The following TMEM72 variants were observed in gnomAD, a reference collection of about 807,000 sequenced individuals.
TMEM72 encodes kidney-specific secretory protein of 37 kDa.
A neutral mutation model predicts 16.3 loss-of-function variants in TMEM72; 9 were observed. The observed-to-expected ratio is 0.55, with a 90% confidence interval of 0.33 to 0.96. The LOEUF is 0.96. Among genes scored for constraint, TMEM72 ranks in the 40% least tolerant of loss-of-function variants. TMEM72 has a pLI of 0.03. For missense variants in TMEM72, 324 were observed against 337.8 expected, an observed-to-expected ratio of 0.96 and a Z score of 0.32; for synonymous variants, 160 against 146.5, an observed-to-expected ratio of 1.09 and a Z score of -0.66.
At chr10:44,933,502 C>T (rs997113376) in intron 3 of TMEM72, 135 bp from the exon 4 acceptor site, 23 of 1,226,238 alleles carry the variant, frequency 1.9e-5, no homozygotes, top group African/African-American at 4.5e-5. Flanking sequence ...CACCAAGGAC[C>T]GCTAGGGCTT....
intron 1 of TMEM72, among the ~76,000 whole-genome samples, chr10:44,917,283 C>T (rs1840026929): frequency 1.3e-5 from 2 of 152,144 alleles, no homozygotes; most frequent in Non-Finnish European, 2.9e-5. Flanking sequence ...TCTCACTCAG[C>T]ATGGGCTAAT....
At chr10:44,925,265 T>C (rs1256457819) in intron 1 of TMEM72, among the ~76,000 whole-genome samples, 1 of 152,220 alleles carries the variant, frequency 6.6e-6, no homozygotes, top group Non-Finnish European at 1.5e-5. Context: ...CCTCTGTTTG[T>C]CTAAAGAGTG....
chr10:44,934,959 A>G lies in TMEM72; in HGVS notation c.653A>G (p.Lys218Arg). ...LSLEPADSLA[K>R]KKQVHFEDNL... is the part of the protein sequence containing the mutation. ...CTGGAGCCAGCCGACTCCCTGGCCA[A>G]GAAGAAGCAGGTGCACTTTGAAGAC... Residue 218 changes from lysine to arginine, a missense_variant, in exon 5 of 5, where the codon AAG (lysine) becomes AGG (arginine). Lys to Arg is a conservative substitution (Grantham distance 26). Transcript: ENST00000389583. The G allele has an allele frequency of 6.2e-7, 1 of 1,614,054 alleles. No homozygotes were observed. Among genetic ancestry groups the G allele is most frequent in the South Asian group, 1.1e-5 (1 of 91,082 alleles).
intron 1 of TMEM72, among the ~76,000 whole-genome samples, chr10:44,925,988 C>CTCAAAAAT (rs1840181844): frequency 6.6e-6 from 1 of 151,920 alleles, no homozygotes; most frequent in East Asian, 1.9e-4. Context: ...TATACTCACA[C>CTCAAAAAT]TCACATATTC....
At chr10:44,923,324 T>TCC (rs1327355929) in intron 1 of TMEM72, 1 of 152,002 alleles carries the variant, frequency 6.6e-6, no homozygotes, top group African/African-American at 2.4e-5. Context: ...TTTCTCTCTC[T>TCC]CTCTCTCTCT....
intron 2 of TMEM72, among the ~76,000 whole-genome samples, chr10:44,930,491 A>G (rs1454195998): frequency 2.6e-5 from 4 of 152,174 alleles, no homozygotes; most frequent in Non-Finnish European, 1.5e-5. Context: ...GACAGTAATT[A>G]TAGTGTTTAT....
At chr10:44,916,718 T>C (rs11239278) in intron 1 of TMEM72, among the ~76,000 whole-genome samples, 87,159 of 151,976 alleles carry the variant, frequency 0.57, 25,539 homozygotes, top group Middle Eastern at 0.63. Flanking sequence ...TCTGTTACAA[T>C]TGGCTCCACA....
intron 1 of TMEM72, among the ~76,000 whole-genome samples, chr10:44,916,369 C>G (rs950881886): frequency 6.6e-6 from 1 of 152,172 alleles, no homozygotes; most frequent in Admixed American, 6.5e-5. Context: ...TTCAACTGCT[C>G]CCATGCTTCC....
chr10:44,919,422 A>C (rs1840059879), intron 1 of TMEM72, among the ~76,000 whole-genome samples: 1 of 152,260 alleles, frequency 6.6e-6, no homozygotes, highest in South Asian at 2.1e-4. Context: ...ACTTGAGCTA[A>C]TGGAGGGAAT....
chr10:44,924,641 C>T (rs1360906001), intron 1 of TMEM72, among the ~76,000 whole-genome samples: 6 of 152,242 alleles, frequency 3.9e-5, no homozygotes, highest in Admixed American at 6.5e-5. Flanking sequence ...TTGTTTCAAC[C>T]TGGCATGCTC....
chr10:44,927,875 G>C (rs752727842), intron 1 of TMEM72, 46 bp from the exon 2 acceptor site: 1 of 1,581,052 alleles, frequency 6.3e-7, no homozygotes, highest in Non-Finnish European at 8.6e-7. Flanking sequence ...GCAGTGCTGT[G>C]GTGTAGAGCA....
chr10:44,928,520 A>T (rs1840238482), intron 2 of TMEM72, among the ~76,000 whole-genome samples: 1 of 150,966 alleles, frequency 6.6e-6, no homozygotes. Context: ...ACATACACAC[A>T]CCCATTCACC....
intron 1 of TMEM72, 152 bp downstream of exon 1, chr10:44,911,734 T>A: frequency 3.6e-6 from 3 of 841,876 alleles, no homozygotes; most frequent in Non-Finnish European, 5.6e-6. Context: ...CACTGCTCTG[T>A]AGAGCAGCAG....
chr10:44,923,837 C>A (rs541918469), intron 1 of TMEM72, among the ~76,000 whole-genome samples: 1 of 152,344 alleles, frequency 6.6e-6, no homozygotes, highest in Non-Finnish European at 1.5e-5. Flanking sequence ...ACAGAACAGA[C>A]CCTCCACTCT....
chr10:44,928,113 A>G, intron 2 of TMEM72, 126 bp downstream of exon 2: 1 of 1,005,878 alleles, frequency 9.9e-7, no homozygotes, highest in South Asian at 1.5e-5. Context: ...TCAGGGGTGA[A>G]GGGAGTTGAG....
In TMEM72 at chr10:44,935,775, C is replaced by G. The variant is rs1488510446; in HGVS notation, c.*641C>G. ...CTGTGCTCACTGTGGGAAAGCCAGG[C>G]CAGATGAGCAAAGCTCATTCCAGAA... is the stretch of plus-strand genomic sequence containing the variant. On this transcript the variant is annotated 3_prime_UTR_variant, in exon 5 of 5. Coordinates refer to ENST00000389583, the MANE Select transcript of TMEM72 (RefSeq NM_001123376.3). 1 of 152,340 alleles carries G rather than the reference C, an allele frequency of 6.6e-6. No individual in the cohort carries two copies. Among genetic ancestry groups the G allele is most frequent in the African/African-American group, 2.4e-5 (1 of 41,464 alleles). The allele number at this position is 152,340 out of a possible 1,614,324, so 9.4% of individuals were successfully genotyped here.
intron 3 of TMEM72, among the ~76,000 whole-genome samples, chr10:44,932,481 G>T (rs1023559911): frequency 9.2e-5 from 14 of 152,316 alleles, no homozygotes; most frequent in Middle Eastern, 3.4e-3. Flanking sequence ...GGGCCCGGGG[G>T]CAAGTCAGGG....
At chr10:44,912,347 C>T (rs991827740) in intron 1 of TMEM72, among the ~76,000 whole-genome samples, 1 of 152,190 alleles carries the variant, frequency 6.6e-6, no homozygotes, top group Non-Finnish European at 1.5e-5. Flanking sequence ...ACCCTTAGCC[C>T]CATTCCCCCT....
At chr10:44,916,427 G>C (rs1205178339) in intron 1 of TMEM72, among the ~76,000 whole-genome samples, 1 of 152,180 alleles carries the variant, frequency 6.6e-6, no homozygotes, top group Non-Finnish European at 1.5e-5. Flanking sequence ...GAGAAAAGAA[G>C]TATTTAAAAC....
Sources: allele counts gnomAD v4.1 joint callset (sites outside exome capture counted in the v4.1 genomes callset), GRCh38; gene constraint gnomAD v4.1.1; transcripts MANE v1.5; gene names NCBI Gene and HGNC (gene_info 2026-07-23, HGNC 2026-07-21).